The following PDLIM7 variants were observed in gnomAD, a reference collection of about 807,000 sequenced individuals.
The protein encoded by PDLIM7 is PDZ and LIM domain 7.
PDLIM7 carries 37 observed loss-of-function variants against 53.9 expected under a neutral mutation model. The observed-to-expected ratio is 0.69, with a 90% CI of 0.53 to 0.90. The LOEUF is 0.90. Among genes scored for constraint, PDLIM7 ranks in the 40% least tolerant of loss-of-function variants. PDLIM7 has a pLI of 0.00. For missense variants in PDLIM7, 617 were observed against 638.5 expected, an observed-to-expected ratio of 0.97 and a Z score of 0.36; for synonymous variants, 300 against 261.3, an observed-to-expected ratio of 1.15 and a Z score of -1.43.
In PDLIM7 at chr5:177,495,412, G is replaced by A. The variant is rs115153276; in HGVS notation, c.96+1005C>T. Among the ~76,000 whole-genome samples, 1,436 of 152,316 alleles carry A rather than the reference G, an allele frequency of 9.4e-3. 28 individuals are homozygous for A. Among genetic ancestry groups the A allele is most frequent in the African/African-American group, 0.033 (1,382 of 41,582 alleles). ...ACAGCTGCCTGCCCACCCGGCGCCT[G>A]GGTGGGTCTCTTGGGGCAGGCGGAT... On this transcript the variant is annotated intron_variant, in intron 2 of 12. Transcript: ENST00000355841.
chr5:177,493,158 G>T (rs1342545033), intron 2 of PDLIM7, among the ~76,000 whole-genome samples: 2 of 152,154 alleles, frequency 1.3e-5, no homozygotes, highest in African/African-American at 4.8e-5. Flanking sequence ...AAACCACCGG[G>T]GGCTCTTATG....
At chr5:177,497,329 A>G (rs922277416) in intron 1 of PDLIM7, among the ~76,000 whole-genome samples, 199 bp downstream of exon 1, 70 of 152,030 alleles carry the variant, frequency 4.6e-4, no homozygotes, top group African/African-American at 1.6e-3. Flanking sequence ...CCCCGGCCGC[A>G]GGAAGCGGCG....
Position 177,489,512 on chromosome 5 carries a change from G to A in PDLIM7, c.750C>T (p.Ala250=), listed in dbSNP as rs781132202. The change falls in exon 9 of 13, where the codon GCC becomes GCT. Residue 250 remains alanine (A), a synonymous_variant. Coordinates refer to ENST00000355841, the MANE Select transcript of PDLIM7 (RefSeq NM_005451.5). The part of the protein sequence containing the change: ...STVLTRHSQP[A]TPTPLQSRTS... The stretch of plus-strand genomic sequence containing the variant: ...TGCGGCTCTGCAGCGGCGTGGGCGT[G>A]GCCGGCTGGCTGTGCCGGGTCAGCA... 19 of 1,605,236 alleles carry A rather than the reference G, an allele frequency of 1.2e-5. No homozygotes were observed. The highest frequency in any genetic ancestry group is 1.7e-5 in the Admixed American group (1 of 59,436).
At chr5:177,486,640 T>C (rs1345488617) in intron 10 of PDLIM7, among the ~76,000 whole-genome samples, 23 of 152,044 alleles carry the variant, frequency 1.5e-4, no homozygotes, top group Non-Finnish European at 1.3e-4. Flanking sequence ...AGATTTCTCT[T>C]TCTTTTTTTC....
At chr5:177,488,386 G>A (rs1027398928) in intron 9 of PDLIM7, 138 bp from the exon 10 acceptor site, 15 of 684,548 alleles carry the variant, frequency 2.2e-5, no homozygotes, top group African/African-American at 1.8e-4. Flanking sequence ...TAGGATAGAA[G>A]ACAGGCTTGG....
At position 177,483,908 on chromosome 5, in the gene PDLIM7, C is replaced by A. The variant is rs1196095781; in HGVS notation, c.1246G>T (p.Ala416Ser). 6.2e-7 allele frequency: 1 copy of A among 1,613,816 alleles called. No homozygotes were observed. Among genetic ancestry groups the A allele is most frequent in the East Asian group, 2.2e-5 (1 of 44,884 alleles). Reference protein sequence around the residue: ...KIDAGDRFLEALGFSWHDTCF... With the variant: ...KIDAGDRFLESLGFSWHDTCF... The stretch of plus-strand genomic sequence containing the variant: ...GTGTCATGCCAGCTGAAGCCCAGGG[C>A]CTCCAGGAAGCGGTCCCCAGCGTCG... The change falls in exon 12 of 13, where the codon GCC (alanine) becomes TCC (serine). Residue 416 changes from alanine to serine, a missense_variant. Transcript: ENST00000355841.
chr5:177,488,318 G>C (rs938809677), intron 9 of PDLIM7, 70 bp from the exon 10 acceptor site: 1 of 1,345,428 alleles, frequency 7.4e-7, no homozygotes, highest in African/African-American at 1.5e-5. Flanking sequence ...CCTTCAGGTT[G>C]ACTGACCACC....
intron 9 of PDLIM7, 131 bp downstream of exon 9, chr5:177,489,262 C>T: frequency 1.4e-6 from 1 of 728,458 alleles, no homozygotes; most frequent in East Asian, 2.8e-5. Context: ...GCCCAGGTCC[C>T]TACTCCTACT....
chr5:177,492,166 CCGG>C, intron 4 of PDLIM7: 1 of 620,454 alleles, frequency 1.6e-6, no homozygotes, highest in Admixed American at 3.0e-5. Flanking sequence ...GCACGCAGCG[CCGG>C]CGGCGGGAGG....
rs763775568 is a variant in PDLIM7, at chr5:177,488,105, G to A, written c.1013C>T (p.Ala338Val). Residue 338 changes from alanine (A) to valine (V), a missense_variant, in exon 10 of 13, where the codon GCA becomes GTA. By Grantham distance (64) the Ala-to-Val change is moderately conservative. Coordinates refer to ENST00000355841, the MANE Select transcript of PDLIM7 (RefSeq NM_005451.5). ...FCPPCYDVRY[A>V]PSCAKCKKKI... ...CTTCTTGCACTTGGCACAGCTGGGT[G>A]CATAGCGCACGTCATAGCATGGTGG... 1 of 1,611,504 alleles carries A rather than the reference G, an allele frequency of 6.2e-7. No individual in the cohort carries two copies. Among genetic ancestry groups the A allele is most frequent in the Non-Finnish European group, 8.5e-7 (1 of 1,179,130 alleles).
At chr5:177,490,783 A>G in intron 7 of PDLIM7, 87 bp downstream of exon 7, 1 of 1,440,222 alleles carries the variant, frequency 6.9e-7, no homozygotes, top group Non-Finnish European at 9.8e-7. Flanking sequence ...TGAGAGCCCC[A>G]GCTGGGAGCC....
intron 10 of PDLIM7, among the ~76,000 whole-genome samples, chr5:177,485,383 A>G (rs936125193): frequency 9.2e-5 from 14 of 152,194 alleles, no homozygotes; most frequent in Non-Finnish European, 1.5e-5. Flanking sequence ...GGCCAGCAGT[A>G]TTCACATCTG....
intron 11 of PDLIM7, 32 bp downstream of exon 11, chr5:177,484,038 A>T: frequency 1.2e-6 from 2 of 1,613,644 alleles, no homozygotes; most frequent in Non-Finnish European, 1.7e-6. Context: ...CCCATGCACC[A>T]TCCCTCCTCA....
intron 7 of PDLIM7, chr5:177,490,469 A>G (rs1279685486): frequency 1.9e-6 from 3 of 1,544,206 alleles, no homozygotes; most frequent in Non-Finnish European, 2.6e-6. Context: ...AGGGAGGCAG[A>G]GAGGGCAGCC....
Position 177,489,447 on chromosome 5 carries a change from C to G in PDLIM7, c.815G>C (p.Gly272Ala). 1 of 1,603,890 alleles carries G rather than the reference C, an allele frequency of 6.2e-7. No homozygotes were observed. Among genetic ancestry groups the G allele is most frequent in the East Asian group, 2.2e-5 (1 of 44,560 alleles). ...GGGAGTCTTGCCGTTGTTGCTGCCC[C>G]CTCCTGGCACCCCTCCGGCAGCTGC... is the stretch of plus-strand genomic sequence containing the variant. ...VQAAAGGVPG[G>A]GSNNGKTPVC... Residue 272 changes from glycine (G) to alanine (A), a missense_variant, in exon 9 of 13, where the codon GGG (glycine) becomes GCG (alanine). Coordinates refer to ENST00000355841, the MANE Select transcript of PDLIM7 (RefSeq NM_005451.5).
At chr5:177,497,193 AT>A (rs1759134286) in intron 1 of PDLIM7, among the ~76,000 whole-genome samples, 1 of 151,972 alleles carries the variant, frequency 6.6e-6, no homozygotes, top group African/African-American at 2.4e-5. Context: ...ACCCTCAAGC[AT>A]AGCTTGGAGG....
intron 2 of PDLIM7, 124 bp downstream of exon 2, chr5:177,496,293 G>T: frequency 1.5e-6 from 1 of 650,402 alleles, no homozygotes; most frequent in Non-Finnish European, 2.5e-6. Context: ...TACATCTCCG[G>T]ACCTAGACAT....
At chr5:177,490,033 T>C (rs1009652263) in intron 7 of PDLIM7, 1 of 1,533,434 alleles carries the variant, frequency 6.5e-7, no homozygotes, top group African/African-American at 1.4e-5. Flanking sequence ...GGTCTCTAGC[T>C]GGGAGACGAG....
At position 177,489,445 on chromosome 5, in the gene PDLIM7, C is replaced by T; in HGVS notation, c.817G>A (p.Gly273Ser). ...ACGGGAGTCTTGCCGTTGTTGCTGC[C>T]CCCTCCTGGCACCCCTCCGGCAGCT... is the stretch of plus-strand genomic sequence containing the variant. ...QAAAGGVPGG[G>S]SNNGKTPVCH... Residue 273 changes from glycine (G) to serine (S), a missense_variant, in exon 9 of 13, where the codon GGC (glycine) becomes AGC (serine). Physicochemically the swap from Gly to Ser is moderately conservative, Grantham distance 56. Coordinates refer to ENST00000355841, the MANE Select transcript of PDLIM7 (RefSeq NM_005451.5). The T allele has an allele frequency of 1.2e-6, 2 of 1,603,630 alleles. No individual in the cohort carries two copies. Among genetic ancestry groups the T allele is most frequent in the Non-Finnish European group, 8.5e-7 (1 of 1,175,848 alleles).
Sources: gnomAD v4.1 joint callset for allele counts (sites outside exome capture counted in the v4.1 genomes callset) on GRCh38, gnomAD v4.1.1 for gene constraint, MANE v1.5 for transcripts, NCBI Gene and HGNC (gene_info 2026-07-23, HGNC 2026-07-21) for gene names.